Variants in THADA observed in about 807,000 individuals in gnomAD.
The protein encoded by THADA is tRNA (32-2'-O)-methyltransferase regulator THADA.
In THADA, 213 loss-of-function variants were observed where a neutral mutation model predicts 219.8. The observed-to-expected ratio is 0.97, with a 90% confidence interval of 0.87 to 1.09. The LOEUF (loss-of-function observed/expected upper bound fraction) is 1.09. Among genes scored for constraint, THADA ranks in the 50% least tolerant of loss-of-function variants. THADA has a pLI of 0.00. For synonymous variants in THADA, 1,018 were observed against 828.9 expected (o/e 1.23, Z -3.92); for missense variants, 2,956 against 2,311.3 (o/e 1.28, Z -5.72).
At chr2:43,387,405 CAGAA>C (rs1672822415) in intron 29 of THADA, among the ~76,000 whole-genome samples, 1 of 152,136 alleles carries the variant, frequency 6.6e-6, no homozygotes, top group South Asian at 2.1e-4. Context: ...AGTAGAAAGA[CAGAA>C]AGAGAGGAAG....
At chr2:43,331,918 T>TACACACACACACACACACGCAC (rs1665819051) in intron 30 of THADA, among the ~76,000 whole-genome samples, 1 of 142,742 alleles carries the variant, frequency 7.0e-6, no homozygotes, top group African/African-American at 2.6e-5. Flanking sequence ...ATATATCTAA[T>TACACACACACACACACACGCAC]ACACACACAC....
intron 36 of THADA, among the ~76,000 whole-genome samples, chr2:43,270,577 G>C (rs1237384145): frequency 6.6e-6 from 1 of 152,210 alleles, no homozygotes; most frequent in African/African-American, 2.4e-5. Context: ...GAGAGGATCT[G>C]AGAGTGCAAG....
Position 43,581,019 on chromosome 2 carries a change from C to T in THADA, c.721+722G>A, listed in dbSNP as rs1306198727. Among the ~76,000 whole-genome samples, 3 of 152,248 alleles carry T rather than the reference C, an allele frequency of 2.0e-5. No individual in the cohort carries two copies. The East Asian group carries it at 5.8e-4, about 29-fold the overall frequency. On this transcript the variant is annotated intron_variant, in intron 8 of 37. Transcript: ENST00000405975. ...CATTAGCATGTTTTTAATTAAGTTA[C>T]ATTCAAACATATATTACCATATAGA...
intron 3 of THADA, among the ~76,000 whole-genome samples, 184 bp downstream of exon 3, chr2:43,591,768 T>C (rs1457330963): frequency 1.3e-5 from 2 of 152,150 alleles, no homozygotes; most frequent in South Asian, 2.1e-4. Flanking sequence ...AGTCTGAATA[T>C]GGCTTCTATT....
chr2:43,255,581 G>C (rs1274810486), intron 36 of THADA, among the ~76,000 whole-genome samples: 1 of 152,200 alleles, frequency 6.6e-6, no homozygotes, highest in Non-Finnish European at 1.5e-5. Flanking sequence ...CTGAGAGGAG[G>C]CTCTGGCTAA....
chr2:43,547,986 C>T (rs1696256547), intron 20 of THADA, among the ~76,000 whole-genome samples: 1 of 152,106 alleles, frequency 6.6e-6, no homozygotes, highest in African/African-American at 2.4e-5. Context: ...TTTTCCCCAT[C>T]TTTGTGGTTT....
At chr2:43,334,077 C>G (rs1666105244) in intron 30 of THADA, among the ~76,000 whole-genome samples, 2 of 152,232 alleles carry the variant, frequency 1.3e-5, no homozygotes, top group Admixed American at 1.3e-4. Flanking sequence ...GGGATTGCCA[C>G]ACAAAAGCCT....
At chr2:43,302,344 C>T (rs939273665) in intron 31 of THADA, among the ~76,000 whole-genome samples, 5 of 152,044 alleles carry the variant, frequency 3.3e-5, no homozygotes, top group African/African-American at 1.2e-4. Context: ...TTTTTTCAGC[C>T]CTCCTTGTTT....
chr2:43,450,398 T>C (rs1441957520), intron 26 of THADA, among the ~76,000 whole-genome samples: 2 of 152,166 alleles, frequency 1.3e-5, no homozygotes, highest in African/African-American at 4.8e-5. Flanking sequence ...AGTTTTTGTA[T>C]ACTACTGAAG....
chr2:43,544,356 G>A (rs1361042352), intron 20 of THADA, among the ~76,000 whole-genome samples: 4 of 152,124 alleles, frequency 2.6e-5, no homozygotes, highest in Non-Finnish European at 4.4e-5. Flanking sequence ...TTGGCAATGC[G>A]GGCTCTTTTT....
chr2:43,448,583 T>C (rs1387668813), intron 26 of THADA, among the ~76,000 whole-genome samples: 4 of 138,622 alleles, frequency 2.9e-5, no homozygotes, highest in Non-Finnish European at 6.3e-5. Flanking sequence ...TTTTTTTGCT[T>C]TTATTTTCTT....
At chr2:43,498,076 C>T (rs1455854839) in intron 25 of THADA, among the ~76,000 whole-genome samples, 2 of 151,990 alleles carry the variant, frequency 1.3e-5, no homozygotes, top group African/African-American at 2.4e-5. Flanking sequence ...CACAGCCCCC[C>T]ACCCCACACA....
intron 7 of THADA, among the ~76,000 whole-genome samples, chr2:43,585,347 A>C (rs983382604): frequency 1.7e-4 from 9 of 52,716 alleles, no homozygotes; most frequent in African/African-American, 3.1e-4. Flanking sequence ...TCATTCCTAC[A>C]AAAAAAAAAA....
chr2:43,525,090 C>T (rs1692990451), intron 22 of THADA, among the ~76,000 whole-genome samples: 1 of 152,176 alleles, frequency 6.6e-6, no homozygotes, highest in Non-Finnish European at 1.5e-5. Context: ...CCATCATTAT[C>T]TCATACTCAA....
At chr2:43,384,709 T>C (rs1371058258) in intron 29 of THADA, among the ~76,000 whole-genome samples, 6 of 152,342 alleles carry the variant, frequency 3.9e-5, no homozygotes, top group Admixed American at 3.3e-4. Context: ...AACATGCCTG[T>C]AATCCCAGCA....
At chr2:43,426,998 T>C (rs1049413364) in intron 28 of THADA, among the ~76,000 whole-genome samples, 4 of 152,246 alleles carry the variant, frequency 2.6e-5, no homozygotes, top group Admixed American at 6.5e-5. Context: ...AGACGGCAAA[T>C]GCCTGAAAAG....
intron 21 of THADA, among the ~76,000 whole-genome samples, chr2:43,532,949 G>C (rs1264506359): frequency 6.6e-6 from 1 of 152,124 alleles, no homozygotes; most frequent in Non-Finnish European, 1.5e-5. Context: ...AGAGTGAACA[G>C]ACAACCTACA....
chr2:43,528,125 GCTT>G, intron 21 of THADA, 137 bp from the exon 22 acceptor site: 1 of 238,924 alleles, frequency 4.2e-6, no homozygotes, highest in South Asian at 6.7e-5. Flanking sequence ...CATGTTTTAA[GCTT>G]TTTTTTTTTT....
chr2:43,303,233 T>G (rs1430698742), intron 31 of THADA, among the ~76,000 whole-genome samples: 1 of 152,212 alleles, frequency 6.6e-6, no homozygotes, highest in East Asian at 1.9e-4. Flanking sequence ...TTTGGTAATA[T>G]CAGATGTGTT....
Sources: gnomAD v4.1 joint callset for allele counts (sites outside exome capture counted in the v4.1 genomes callset) on GRCh38, gnomAD v4.1.1 for gene constraint, MANE v1.5 for transcripts, NCBI Gene and HGNC (gene_info 2026-07-23, HGNC 2026-07-21) for gene names.